Variants in NADSYN1 observed in about 807,000 individuals in gnomAD.
NADSYN1 encodes the protein glutamine-dependent NAD(+) synthetase.
A neutral mutation model predicts 99.3 loss-of-function variants in NADSYN1; 80 were observed. The observed-to-expected ratio is 0.81, with a 90% CI of 0.67 to 0.97. The LOEUF (loss-of-function observed/expected upper bound fraction) is 0.97. Ranked by LOEUF, NADSYN1 falls within the 50% of genes least tolerant of loss-of-function variation. The probability of loss-of-function intolerance (pLI) is 0.00; values close to 1 mark genes in which losing one functional copy is unlikely to be tolerated. For synonymous variants in NADSYN1, 385 were observed against 372.1 expected, an observed-to-expected ratio of 1.03 and a Z score of -0.40; for missense variants, 859 against 948.5, an observed-to-expected ratio of 0.91 and a Z score of 1.24.
At chr11:71,457,319 C>G (rs1428820835) in intron 2 of NADSYN1, among the ~76,000 whole-genome samples, 2 of 152,208 alleles carry the variant, frequency 1.3e-5, no homozygotes, top group Non-Finnish European at 2.9e-5. Context: ...GCAATGCTTT[C>G]CCAGATACTG....
chr11:71,496,213 A>G (rs998509121), intron 18 of NADSYN1, among the ~76,000 whole-genome samples: 5 of 152,342 alleles, frequency 3.3e-5, no homozygotes, highest in African/African-American at 4.8e-5. Flanking sequence ...ACAGTTCCAG[A>G]GGCCAGGGTC....
chr11:71,470,579 C>G (rs534388113), intron 5 of NADSYN1, among the ~76,000 whole-genome samples: 1 of 152,316 alleles, frequency 6.6e-6, no homozygotes. Context: ...TGTGGCCAAA[C>G]AGATTTTAGC....
In NADSYN1 at chr11:71,472,399, C is replaced by T. The variant is rs1325676177; in HGVS notation, c.408-50C>T. On this transcript the variant is annotated intron_variant, in intron 5 of 20. Coordinates refer to ENST00000319023, the MANE Select transcript of NADSYN1 (RefSeq NM_018161.5). Reference sequence around the variant, plus strand: ...TTGTTTAAATGTAGCCGCCATTCCTCATTTGTCCTGAGATGCTCATCCTCA... The same window carrying T: ...TTGTTTAAATGTAGCCGCCATTCCTTATTTGTCCTGAGATGCTCATCCTCA... 4 of 1,463,218 alleles carry T rather than the reference C, an allele frequency of 2.7e-6. No homozygotes were observed. The Admixed American group carries it at 5.0e-5, about 18-fold the overall frequency. 90.6% of individuals were successfully genotyped at this position (1,463,218 alleles called of 1,614,324 possible). A position where few individuals can be genotyped will look rare whatever the true frequency, so the allele number is the denominator to read the frequency against.
chr11:71,484,140 G>A (rs145187223), intron 14 of NADSYN1, among the ~76,000 whole-genome samples, 172 bp from the exon 15 acceptor site: 3 of 152,352 alleles, frequency 2.0e-5, no homozygotes, highest in African/African-American at 7.2e-5. Context: ...GAAGTTCTGA[G>A]CTAGATGGTG....
chr11:71,468,286 A>G (rs1374607074), intron 5 of NADSYN1, among the ~76,000 whole-genome samples: 1 of 152,378 alleles, frequency 6.6e-6, no homozygotes, highest in Admixed American at 6.5e-5. Flanking sequence ...AAGGATATTG[A>G]TAAATTTGTG....
intron 9 of NADSYN1, chr11:71,477,574 C>T: frequency 1.7e-6 from 1 of 582,648 alleles, no homozygotes; most frequent in South Asian, 1.9e-5. Flanking sequence ...CTCAGGAACA[C>T]AATTTGATAA....
intron 8 of NADSYN1, among the ~76,000 whole-genome samples, chr11:71,474,062 A>G (rs1301266836): frequency 6.6e-6 from 1 of 152,228 alleles, no homozygotes; most frequent in Non-Finnish European, 1.5e-5. Flanking sequence ...ATGTGGGTCT[A>G]GCTGAGCCGC....
chr11:71,485,860 C>T (rs902563383), intron 16 of NADSYN1, among the ~76,000 whole-genome samples: 5 of 152,174 alleles, frequency 3.3e-5, no homozygotes, highest in Non-Finnish European at 7.3e-5. Flanking sequence ...CCACTTTCAT[C>T]AGCCTTGTGG....
chr11:71,459,270 G>A (rs972755749), intron 3 of NADSYN1, among the ~76,000 whole-genome samples: 2 of 149,856 alleles, frequency 1.3e-5, no homozygotes, highest in African/African-American at 4.9e-5. Context: ...GCTGTGCCCT[G>A]CATAGCTGGT....
chr11:71,501,333 C>A lies in NADSYN1; in HGVS notation c.2102C>A (p.Ser701Tyr). Reference sequence around the variant, plus strand: ...CAGCTCGAGAGGGCAGAGCCACAGTCCCTGGACGGCGTGGACTGAGGCCGG... The same window carrying A: ...CAGCTCGAGAGGGCAGAGCCACAGTACCTGGACGGCGTGGACTGAGGCCGG... ...VLQLERAEPQ[S>Y]LDGVD is the part of the protein sequence containing the mutation. The change falls in exon 21 of 21, where the codon TCC (serine) becomes TAC (tyrosine). Residue 701 changes from serine (S) to tyrosine (Y), a missense_variant. By Grantham distance (144) the Ser-to-Tyr change is moderately radical. Coordinates refer to ENST00000319023, the MANE Select transcript of NADSYN1 (RefSeq NM_018161.5). 1 of 1,607,366 alleles carries A rather than the reference C, an allele frequency of 6.2e-7. No homozygotes were observed. Among genetic ancestry groups the A allele is most frequent in the Non-Finnish European group, 8.5e-7 (1 of 1,177,286 alleles).
chr11:71,471,329 A>C (rs892714641), intron 5 of NADSYN1, among the ~76,000 whole-genome samples: 1 of 152,368 alleles, frequency 6.6e-6, no homozygotes, highest in East Asian at 1.9e-4. Context: ...AGAAATGGTC[A>C]TGTTCAGCAT....
intron 16 of NADSYN1, 100 bp downstream of exon 16, chr11:71,485,748 C>G (rs150778200): frequency 1.1e-6 from 1 of 891,790 alleles, no homozygotes; most frequent in African/African-American, 1.7e-5. Context: ...CCTTTCATGG[C>G]GGGTTTGGTG....
At chr11:71,485,779 C>A in intron 16 of NADSYN1, 131 bp downstream of exon 16, 2 of 680,394 alleles carry the variant, frequency 2.9e-6, no homozygotes, top group Non-Finnish European at 4.7e-6. Flanking sequence ...CATCATTCCT[C>A]TAGAATTTCA....
intron 16 of NADSYN1, among the ~76,000 whole-genome samples, chr11:71,490,607 G>A (rs1054963163): frequency 6.6e-6 from 1 of 152,168 alleles, no homozygotes; most frequent in African/African-American, 2.4e-5. Context: ...GCTCCGTGCT[G>A]GTGACCCCCG....
intron 3 of NADSYN1, among the ~76,000 whole-genome samples, chr11:71,462,162 C>T (rs1188157522): frequency 6.6e-6 from 1 of 152,084 alleles, no homozygotes; most frequent in African/African-American, 2.4e-5. Context: ...GGGGGGTGAT[C>T]GGGGGTCGGA....
chr11:71,467,822 A>G (rs1485056140), intron 5 of NADSYN1, among the ~76,000 whole-genome samples: 1 of 152,262 alleles, frequency 6.6e-6, no homozygotes, highest in Admixed American at 6.5e-5. Context: ...AAATGGAAAC[A>G]TCCATAAGAT....
rs1466139142 is a variant in NADSYN1, at chr11:71,463,905, G to A, written c.318-148G>A. 1.6e-5 allele frequency: 10 copies of A among 627,182 alleles called. No homozygotes were observed. In the Admixed American group the frequency reaches 2.4e-4, roughly 15 times the overall value. The allele number at this position is 627,182 out of a possible 1,614,324, so 38.9% of individuals were successfully genotyped here. A position where few individuals can be genotyped will look rare whatever the true frequency, so the allele number is the denominator to read the frequency against. On this transcript the variant is annotated intron_variant, in intron 4 of 20. Coordinates refer to ENST00000319023, the MANE Select transcript of NADSYN1 (RefSeq NM_018161.5). ...GGGACCCGAGTCATAGAAAGCGGAA[G>A]CCCAGAGAAGGAGAGAGATTTGCTC...
Position 71,497,531 on chromosome 11 carries a change from A to G in NADSYN1, c.1813A>G (p.Arg605Gly). 1.2e-6 allele frequency: 2 copies of G among 1,614,108 alleles called. No individual in the cohort carries two copies. The highest frequency in any genetic ancestry group is 1.7e-6 in the Non-Finnish European group (2 of 1,179,972). Residue 605 changes from arginine (R) to glycine (G), a missense_variant, in exon 19 of 21, where the codon AGG becomes GGG. Physicochemically the swap from Arg to Gly is moderately radical, Grantham distance 125. Coordinates refer to ENST00000319023, the MANE Select transcript of NADSYN1 (RefSeq NM_018161.5). Reference protein sequence around the residue: ...YAELSVYGKLRKVAKMGPYSM... With the variant: ...YAELSVYGKLGKVAKMGPYSM... ...GGAGCTCTCGGTCTATGGGAAACTCAGGAAGGTGGCCAAGATGGGGCCCTA... is the reference window on the plus strand; with the variant it reads ...GGAGCTCTCGGTCTATGGGAAACTCGGGAAGGTGGCCAAGATGGGGCCCTA...
At chr11:71,489,188 G>C (rs993581615) in intron 16 of NADSYN1, among the ~76,000 whole-genome samples, 6 of 152,104 alleles carry the variant, frequency 3.9e-5, no homozygotes, top group Non-Finnish European at 8.8e-5. Flanking sequence ...GAAGTGACCA[G>C]CCTGGGGGAA....
Sources: allele counts gnomAD v4.1 joint callset (sites outside exome capture counted in the v4.1 genomes callset), GRCh38; gene constraint gnomAD v4.1.1; transcripts MANE v1.5; gene names NCBI Gene and HGNC (gene_info 2026-07-23, HGNC 2026-07-21).